The following PPM1H variants were observed in gnomAD, a reference collection of about 807,000 sequenced individuals.
PPM1H encodes the protein protein phosphatase, Mg2+/Mn2+ dependent 1H.
A neutral mutation model predicts 54.9 loss-of-function variants in PPM1H; 27 were observed. The observed-to-expected ratio is 0.49, with a 90% CI of 0.36 to 0.68. The LOEUF is 0.68. Among genes scored for constraint, PPM1H ranks in the 30% least tolerant of loss-of-function variants. PPM1H has a pLI of 0.00. For missense variants in PPM1H, 596 were observed against 667.8 expected (o/e 0.89, Z 1.19); for synonymous variants, 305 against 270.8 (o/e 1.13, Z -1.24).
intron 7 of PPM1H, among the ~76,000 whole-genome samples, chr12:62,690,119 C>T (rs375577761): frequency 3.9e-5 from 6 of 152,178 alleles, no homozygotes; most frequent in South Asian, 2.1e-4. Flanking sequence ...CCAATGCATG[C>T]GTGACGTCTA....
At chr12:62,658,056 C>CAAAA (rs34769800) in intron 9 of PPM1H, among the ~76,000 whole-genome samples, 2,618 of 107,244 alleles carry the variant, frequency 0.024, 164 homozygotes, top group East Asian at 0.08. Flanking sequence ...ATCCAGGTTA[C>CAAAA]AAAAAAAAAA....
Position 62,816,147 on chromosome 12 carries a change from C to T in PPM1H, c.412-13987G>A, listed in dbSNP as rs180715484. Among the ~76,000 whole-genome samples, 63 of 152,252 alleles carry T rather than the reference C, an allele frequency of 4.1e-4. 1 individual carries two copies. The highest frequency in any genetic ancestry group is 1.5e-3 in the African/African-American group (62 of 41,554). On this transcript the variant is annotated intron_variant, in intron 2 of 9. Transcript: ENST00000228705. ...AAAGAGATTTTCCTGCTCCATGTCT[C>T]AACTGCTAATGGATACAGAGGCAGC...
chr12:62,673,351 G>A lies in PPM1H; in HGVS notation c.1246-6022C>T, dbSNP rs143187873. 1.8e-3 allele frequency among the ~76,000 whole-genome samples: 281 copies of A among 152,280 alleles called. 1 individual carries two copies. Among genetic ancestry groups the A allele is most frequent in the African/African-American group, 6.2e-3 (259 of 41,546 alleles). ...CTCGGCTGCAGGCTGCTGTTTCAGC[G>A]TTTGTGTAATACTTGCTCCCATCTT... On this transcript the variant is annotated intron_variant, in intron 8 of 9. Coordinates refer to ENST00000228705, the MANE Select transcript of PPM1H (RefSeq NM_020700.2).
chr12:62,686,987 C>T (rs1005401785), intron 8 of PPM1H, among the ~76,000 whole-genome samples: 4 of 152,180 alleles, frequency 2.6e-5, no homozygotes, highest in African/African-American at 9.7e-5. Flanking sequence ...GGGACAAATA[C>T]ACAGGCTGGG....
chr12:62,813,312 A>T (rs1030392162), intron 2 of PPM1H, among the ~76,000 whole-genome samples: 3 of 152,118 alleles, frequency 2.0e-5, no homozygotes, highest in Non-Finnish European at 4.4e-5. Context: ...CCCTGAGACG[A>T]GTGCTCTCCA....
chr12:62,700,991 T>G (rs1425565026), intron 6 of PPM1H, among the ~76,000 whole-genome samples: 3 of 152,232 alleles, frequency 2.0e-5, no homozygotes, highest in African/African-American at 7.2e-5. Context: ...TGGTTATTTT[T>G]TCTACTGCTT....
In PPM1H at chr12:62,738,614, C is replaced by T. The variant is rs533888227; in HGVS notation, c.870-1028G>A. ...TGACAGCCACTTTTCAGCTATCGAT[C>T]GGTTGTGGCAGAATGTTGCCATTTC... On this transcript the variant is annotated intron_variant, in intron 4 of 9. Coordinates refer to ENST00000228705, the MANE Select transcript of PPM1H (RefSeq NM_020700.2). Among the ~76,000 whole-genome samples, 20 of 152,208 alleles carry T rather than the reference C, an allele frequency of 1.3e-4. No homozygotes were observed. In the East Asian group the frequency reaches 3.7e-3, roughly 28 times the overall value.
chr12:62,871,590 C>T (rs896659914), intron 1 of PPM1H, among the ~76,000 whole-genome samples: 1 of 149,970 alleles, frequency 6.7e-6, no homozygotes, highest in Non-Finnish European at 1.5e-5. Context: ...TCTTGGCTCA[C>T]TGCAACCTCC....
chr12:62,906,432 TAA>T (rs1181630651), intron 1 of PPM1H, among the ~76,000 whole-genome samples: 1 of 152,200 alleles, frequency 6.6e-6, no homozygotes, highest in Non-Finnish European at 1.5e-5. Context: ...TTTAAGTTGT[TAA>T]AAGAGTTAAG....
intron 4 of PPM1H, among the ~76,000 whole-genome samples, chr12:62,748,899 C>T (rs1374076064): frequency 6.6e-6 from 1 of 152,120 alleles, no homozygotes; most frequent in African/African-American, 2.4e-5. Context: ...CAAAAAGGGT[C>T]AGAATCAGGT....
chr12:62,792,426 TAAAG>T (rs1047174540), intron 3 of PPM1H, among the ~76,000 whole-genome samples: 1 of 152,262 alleles, frequency 6.6e-6, no homozygotes, highest in Admixed American at 6.5e-5. Context: ...CACTTTCTCA[TAAAG>T]AGTGAACTTA....
intron 1 of PPM1H, among the ~76,000 whole-genome samples, chr12:62,890,630 C>T (rs768430284): frequency 3.3e-5 from 5 of 151,730 alleles, no homozygotes; most frequent in South Asian, 2.1e-4. Context: ...AAAAACATCA[C>T]GTTATTTTGA....
At chr12:62,689,130 C>G (rs2076070118) in intron 8 of PPM1H, among the ~76,000 whole-genome samples, 1 of 152,110 alleles carries the variant, frequency 6.6e-6, no homozygotes, top group Non-Finnish European at 1.5e-5. Flanking sequence ...TCAGGGAACT[C>G]TCCATAAAAA....
chr12:62,932,289 C>A lies in PPM1H; in HGVS notation c.245+2203G>T, dbSNP rs138905718. Among the ~76,000 whole-genome samples the A allele has an allele frequency of 6.2e-3, 942 of 152,196 alleles. 5 individuals are homozygous for A. The highest frequency in any genetic ancestry group is 0.034 in the Middle Eastern group (10 of 294). Reference sequence around the variant, plus strand: ...GAGAGGATGGGGGGAGCCCTCTAAGCACTCTCTCATGCGTGTCTCATTGCA... The same window carrying A: ...GAGAGGATGGGGGGAGCCCTCTAAGAACTCTCTCATGCGTGTCTCATTGCA... On this transcript the variant is annotated intron_variant, in intron 1 of 9. Transcript: ENST00000228705.
intron 8 of PPM1H, 99 bp from the exon 9 acceptor site, chr12:62,667,428 C>T: frequency 1.8e-6 from 2 of 1,124,536 alleles, no homozygotes; most frequent in Non-Finnish European, 2.5e-6. Flanking sequence ...CCTGCCCAGC[C>T]TAGTGGTTTT....
At chr12:62,727,505 G>A (rs2076296349) in intron 5 of PPM1H, among the ~76,000 whole-genome samples, 1 of 152,002 alleles carries the variant, frequency 6.6e-6, no homozygotes, top group African/African-American at 2.4e-5. Context: ...GTGCATGGCT[G>A]CATGTGGTTT....
At chr12:62,819,890 A>G (rs1185190926) in intron 2 of PPM1H, among the ~76,000 whole-genome samples, 1 of 152,176 alleles carries the variant, frequency 6.6e-6, no homozygotes, top group Non-Finnish European at 1.5e-5. Flanking sequence ...TGCATTTCGA[A>G]CTGAGGTACC....
intron 2 of PPM1H, among the ~76,000 whole-genome samples, chr12:62,802,412 C>T (rs1266696492): frequency 1.3e-5 from 2 of 152,126 alleles, no homozygotes; most frequent in African/African-American, 4.8e-5. Context: ...TCTCTGCCTC[C>T]CCACCTAGCA....
At chr12:62,679,346 G>A (rs11174599) in intron 8 of PPM1H, among the ~76,000 whole-genome samples, 9,986 of 152,216 alleles carry the variant, frequency 0.066, 423 homozygotes, top group Middle Eastern at 0.14. Flanking sequence ...TGGTGGTTGG[G>A]GGAGGCAAAT....
Sources: gnomAD v4.1 joint callset for allele counts (sites outside exome capture counted in the v4.1 genomes callset) on GRCh38, gnomAD v4.1.1 for gene constraint, MANE v1.5 for transcripts, NCBI Gene and HGNC (gene_info 2026-07-23, HGNC 2026-07-21) for gene names.